CADPS: variants seen among roughly 807,000 people sequenced by gnomAD.
CADPS encodes the protein calcium-dependent secretion activator 1.
In CADPS, 57 loss-of-function variants were observed where a neutral mutation model predicts 167.3. That is an observed-to-expected ratio of 0.34 (90% CI 0.28 to 0.42). The LOEUF (loss-of-function observed/expected upper bound fraction) is 0.42. CADPS is among the 20% of genes least tolerant of loss of function. CADPS has a pLI of 1.00. For synonymous variants in CADPS, 676 were observed against 635.3 expected (o/e 1.06, Z -0.96); for missense variants, 1,414 against 1,738.1 (o/e 0.81, Z 3.32).
intron 10 of CADPS, among the ~76,000 whole-genome samples, chr3:62,551,622 CCT>C (rs749035684): frequency 5.3e-5 from 8 of 152,134 alleles, no homozygotes; most frequent in Non-Finnish European, 1.2e-4. Context: ...GGCCTGAAAG[CCT>C]CCCATGAATT....
intron 3 of CADPS, among the ~76,000 whole-genome samples, chr3:62,674,652 G>A (rs2076066950): frequency 6.6e-6 from 1 of 151,892 alleles, no homozygotes; most frequent in Non-Finnish European, 1.5e-5. Context: ...CCAACAGATG[G>A]GAGAAAAAGA....
chr3:62,470,747 A>G (rs1380998761), intron 24 of CADPS: 2 of 152,228 alleles, frequency 1.3e-5, no homozygotes, highest in Non-Finnish European at 2.9e-5. Flanking sequence ...TGGCTTGGGA[A>G]AAAAACCAAC....
intron 6 of CADPS, among the ~76,000 whole-genome samples, chr3:62,617,506 TAG>T (rs1298467619): frequency 3.3e-5 from 5 of 152,244 alleles, no homozygotes; most frequent in Non-Finnish European, 5.9e-5. Context: ...CCCCTGTGCT[TAG>T]AGTTAGTGTG....
At chr3:62,450,763 T>C (rs1271479800) in intron 26 of CADPS, among the ~76,000 whole-genome samples, 1 of 152,206 alleles carries the variant, frequency 6.6e-6, no homozygotes, top group Non-Finnish European at 1.5e-5. Flanking sequence ...GAACATTTAC[T>C]ATGTACAGGT....
intron 3 of CADPS, among the ~76,000 whole-genome samples, chr3:62,684,198 T>G (rs2077592289): frequency 6.6e-6 from 1 of 152,022 alleles, no homozygotes; most frequent in Non-Finnish European, 1.5e-5. Flanking sequence ...ATCCAATTAT[T>G]TATTACAGTA....
At chr3:62,447,038 A>G (rs777400341) in intron 26 of CADPS, among the ~76,000 whole-genome samples, 1 of 152,164 alleles carries the variant, frequency 6.6e-6, no homozygotes, top group Non-Finnish European at 1.5e-5. Flanking sequence ...TCTCAATGCT[A>G]GTTTCCAAAA....
chr3:62,788,204 C>A (rs2092631830), intron 1 of CADPS, among the ~76,000 whole-genome samples: 1 of 152,108 alleles, frequency 6.6e-6, no homozygotes, highest in East Asian at 1.9e-4. Flanking sequence ...CATTAGATAC[C>A]TCCCTTAATT....
intron 1 of CADPS, among the ~76,000 whole-genome samples, chr3:62,790,745 A>C (rs538633889): frequency 6.6e-6 from 1 of 152,336 alleles, no homozygotes; most frequent in Non-Finnish European, 1.5e-5. Context: ...ATTGACAACG[A>C]CTATGGCTTC....
chr3:62,613,190 C>T (rs1437524935), intron 6 of CADPS, among the ~76,000 whole-genome samples: 1 of 152,176 alleles, frequency 6.6e-6, no homozygotes, highest in Non-Finnish European at 1.5e-5. Flanking sequence ...GGTGTGGAAG[C>T]ACAGCTTCAA....
At chr3:62,495,508 T>C (rs1394167094) in intron 18 of CADPS, among the ~76,000 whole-genome samples, 3 of 152,178 alleles carry the variant, frequency 2.0e-5, no homozygotes, top group Admixed American at 6.5e-5. Context: ...TTATAAACCT[T>C]TTCCAAAGAC....
intron 3 of CADPS, among the ~76,000 whole-genome samples, chr3:62,667,561 A>C (rs1300105404): frequency 1.3e-5 from 2 of 152,076 alleles, no homozygotes; most frequent in African/African-American, 2.4e-5. Context: ...GGTTCTCTAG[A>C]TCCTCGATGG....
chr3:62,743,203 T>TTGAAAA (rs1339157557), intron 3 of CADPS, among the ~76,000 whole-genome samples: 1 of 152,162 alleles, frequency 6.6e-6, no homozygotes, highest in East Asian at 1.9e-4. Flanking sequence ...GAATAATTTT[T>TTGAAAA]TGAAAGTAAA....
At chr3:62,510,370 G>GA (rs2067557340) in intron 17 of CADPS, among the ~76,000 whole-genome samples, 1 of 152,148 alleles carries the variant, frequency 6.6e-6, no homozygotes, top group East Asian at 1.9e-4. Flanking sequence ...ATGATGCTCA[G>GA]AAAATTATGC....
chr3:62,810,249 T>C (rs1016573999), intron 1 of CADPS, among the ~76,000 whole-genome samples: 43 of 152,316 alleles, frequency 2.8e-4, no homozygotes, highest in African/African-American at 9.6e-4. Context: ...TAGGAGAACA[T>C]GGGCCTCAGT....
At position 62,479,573 on chromosome 3, in the gene CADPS, G is replaced by A. The variant is rs565287154; in HGVS notation, c.3174-1157C>T. On this transcript the variant is annotated intron_variant, in intron 22 of 29. Coordinates refer to ENST00000383710, the MANE Select transcript of CADPS (RefSeq NM_003716.4). ...GCATACACAGCTACTGCAGGGCGGGGAGGGGGCACACGCCCAAGCATGCTG... is the reference window on the plus strand; with the variant it reads ...GCATACACAGCTACTGCAGGGCGGGAAGGGGGCACACGCCCAAGCATGCTG... 4.6e-5 allele frequency among the ~76,000 whole-genome samples: 7 copies of A among 152,362 alleles called. No individual in the cohort carries two copies. The South Asian group carries it at 1.4e-3, about 32-fold the overall frequency.
chr3:62,521,992 T>G (rs2070727536), intron 13 of CADPS, among the ~76,000 whole-genome samples: 1 of 152,160 alleles, frequency 6.6e-6, no homozygotes. Context: ...ACAGACGGAA[T>G]TTGCTTGTTC....
chr3:62,718,871 G>C (rs1474050358), intron 3 of CADPS, among the ~76,000 whole-genome samples: 1 of 152,234 alleles, frequency 6.6e-6, no homozygotes, highest in African/African-American at 2.4e-5. Context: ...CAAACAGAGA[G>C]GGACACATTT....
At chr3:62,858,740 A>T (rs1051246011) in intron 1 of CADPS, among the ~76,000 whole-genome samples, 2 of 152,106 alleles carry the variant, frequency 1.3e-5, no homozygotes, top group African/African-American at 4.8e-5. Context: ...TACTTTAATG[A>T]TATGTGTTGC....
intron 28 of CADPS, among the ~76,000 whole-genome samples, chr3:62,406,070 T>C (rs2149130763): frequency 6.6e-6 from 1 of 152,336 alleles, no homozygotes; most frequent in Middle Eastern, 3.4e-3. Flanking sequence ...AGCCACAGCA[T>C]TGAAAGAGCG....
Sources: allele counts gnomAD v4.1 joint callset (sites outside exome capture counted in the v4.1 genomes callset), GRCh38; gene constraint gnomAD v4.1.1; transcripts MANE v1.5; gene names NCBI Gene and HGNC (gene_info 2026-07-23, HGNC 2026-07-21).